RAB4A: variants seen among roughly 807,000 people sequenced by gnomAD.
RAB4A encodes the protein RAB4A, member RAS oncogene family.
In RAB4A, 20 loss-of-function variants were observed where a neutral mutation model predicts 34.5. The observed-to-expected ratio is 0.58, with a 90% CI of 0.41 to 0.84. The LOEUF (loss-of-function observed/expected upper bound fraction) is 0.84. Ranked by LOEUF, RAB4A falls within the 40% of genes least tolerant of loss-of-function variation. RAB4A has a pLI of 0.00. For missense variants in RAB4A, 228 were observed against 274.5 expected (o/e 0.83, Z 1.20); for synonymous variants, 102 against 100.0 (o/e 1.02, Z -0.12).
intron 6 of RAB4A, among the ~76,000 whole-genome samples, chr1:229,302,278 TATATATATATATATA>T (rs1657410363): frequency 1.7e-4 from 4 of 22,866 alleles, no homozygotes; most frequent in South Asian, 1.3e-3. Flanking sequence ...TATATATATA[TATATATATATATATA>T]TATATATATA....
At chr1:229,283,870 G>A (rs1484098752) in intron 1 of RAB4A, among the ~76,000 whole-genome samples, 1 of 151,026 alleles carries the variant, frequency 6.6e-6, no homozygotes, top group East Asian at 1.9e-4. Flanking sequence ...GGGATTACAG[G>A]TGCTCACTAC....
At chr1:229,273,505 C>T (rs1333871450) in intron 1 of RAB4A, among the ~76,000 whole-genome samples, 5 of 152,112 alleles carry the variant, frequency 3.3e-5, no homozygotes, top group African/African-American at 4.8e-5. Flanking sequence ...TTTGGAAGGC[C>T]GAGTTGGGCG....
chr1:229,283,166 TGA>T (rs1401047640), intron 1 of RAB4A, among the ~76,000 whole-genome samples: 12 of 152,214 alleles, frequency 7.9e-5, no homozygotes, highest in Non-Finnish European at 1.8e-4. Flanking sequence ...CATTGACACA[TGA>T]GAGGAATTCA....
At position 229,302,325 on chromosome 1, in the gene RAB4A, T is replaced by A. The variant is rs1232603232; in HGVS notation, c.542-537T>A. 2.1e-3 allele frequency among the ~76,000 whole-genome samples: 202 copies of A among 95,844 alleles called. 2 individuals are homozygous for A. The highest frequency in any genetic ancestry group is 7.7e-3 in the African/African-American group (197 of 25,590). 62.9% of individuals were successfully genotyped at this position (95,844 alleles called of 152,430 possible). On this transcript the variant is annotated intron_variant, in intron 6 of 7. Transcript: ENST00000366690. The stretch of plus-strand genomic sequence containing the variant: ...TATATATATATTTTTTTTTTTTTTT[T>A]ACATGTGCATGAGTCTGTGTGTCAG...
At chr1:229,276,772 A>G (rs1656661237) in intron 1 of RAB4A, among the ~76,000 whole-genome samples, 1 of 151,194 alleles carries the variant, frequency 6.6e-6, no homozygotes, top group Non-Finnish European at 1.5e-5. Context: ...GCCAGTTTAC[A>G]TGATTAAAAG....
At chr1:229,276,331 C>G (rs541898013) in intron 1 of RAB4A, among the ~76,000 whole-genome samples, 2 of 151,372 alleles carry the variant, frequency 1.3e-5, no homozygotes, top group South Asian at 4.2e-4. Context: ...TGTAATGACT[C>G]CATGCTCGAG....
At chr1:229,279,907 C>T (rs1478075537) in intron 1 of RAB4A, among the ~76,000 whole-genome samples, 3 of 152,162 alleles carry the variant, frequency 2.0e-5, no homozygotes, top group African/African-American at 7.2e-5. Flanking sequence ...ATAATAAACA[C>T]CGAATCTAAT....
chr1:229,292,357 T>C (rs2102848582), intron 3 of RAB4A, among the ~76,000 whole-genome samples: 1 of 152,314 alleles, frequency 6.6e-6, no homozygotes, highest in Non-Finnish European at 1.5e-5. Flanking sequence ...AATTTGAAAG[T>C]AAAATTTTAA....
Position 229,305,094 on chromosome 1 carries a change from T to G in RAB4A, c.*1301T>G, listed in dbSNP as rs371958936. 9 of 1,487,308 alleles carry G rather than the reference T, an allele frequency of 6.1e-6. No homozygotes were observed. Among genetic ancestry groups the G allele is most frequent in the Non-Finnish European group, 8.0e-6 (9 of 1,121,176 alleles). The allele number at this position is 1,487,308 out of a possible 1,614,324, so 92.1% of individuals were successfully genotyped here. The stretch of plus-strand genomic sequence containing the variant: ...GATGCCTACTGCTTTTGTTGTTTAT[T>G]TTAATCAGCAGAGCACAGAGACACA... On this transcript the variant is annotated 3_prime_UTR_variant, in exon 8 of 8. Transcript: ENST00000366690.
intron 1 of RAB4A, among the ~76,000 whole-genome samples, chr1:229,283,636 A>G (rs777804170): frequency 1.3e-5 from 2 of 151,848 alleles, no homozygotes; most frequent in African/African-American, 2.4e-5. Flanking sequence ...GAACCCAGGG[A>G]ACTTCCTTCC....
chr1:229,274,813 G>GA (rs1161647349), intron 1 of RAB4A, among the ~76,000 whole-genome samples: 1 of 152,166 alleles, frequency 6.6e-6, no homozygotes, highest in Non-Finnish European at 1.5e-5. Context: ...CGAGAGTGAG[G>GA]AAAAATCTAA....
At chr1:229,273,619 G>T (rs796629422) in intron 1 of RAB4A, among the ~76,000 whole-genome samples, 15 of 152,242 alleles carry the variant, frequency 9.9e-5, no homozygotes, top group African/African-American at 3.6e-4. Context: ...TACGCTTGTA[G>T]TCCCGGCTAC....
At chr1:229,280,567 C>T (rs185662768) in intron 1 of RAB4A, among the ~76,000 whole-genome samples, 32 of 151,702 alleles carry the variant, frequency 2.1e-4, no homozygotes, top group Admixed American at 1.0e-3. Flanking sequence ...TTTTTTTTTC[C>T]GTTAAGCTTT....
At chr1:229,297,417 T>C in intron 4 of RAB4A, 65 bp from the exon 5 acceptor site, 1 of 1,481,878 alleles carries the variant, frequency 6.7e-7, no homozygotes, top group Non-Finnish European at 9.1e-7. Flanking sequence ...GTAGTGAGAA[T>C]GACTGGAAAG....
chr1:229,295,764 A>G (rs1017089715), intron 3 of RAB4A, 84 bp from the exon 4 acceptor site: 2 of 1,314,610 alleles, frequency 1.5e-6, no homozygotes, highest in Non-Finnish European at 2.2e-6. Flanking sequence ...TTTACAAAGC[A>G]AGCATGGGTG....
Position 229,305,085 on chromosome 1 carries a change from G to A in RAB4A, c.*1292G>A, listed in dbSNP as rs139152641. 354 of 1,475,062 alleles carry A rather than the reference G, an allele frequency of 2.4e-4. 5 individuals carry two copies. The East Asian group carries it at 5.5e-3, about 23-fold the overall frequency. The allele number at this position is 1,475,062 out of a possible 1,614,324, so 91.4% of individuals were successfully genotyped here. ...TAGTTAGAAGATGCCTACTGCTTTTGTTGTTTATTTTAATCAGCAGAGCAC... is the reference window on the plus strand; with the variant it reads ...TAGTTAGAAGATGCCTACTGCTTTTATTGTTTATTTTAATCAGCAGAGCAC... On this transcript the variant is annotated 3_prime_UTR_variant, in exon 8 of 8. Transcript: ENST00000366690.
intron 2 of RAB4A, among the ~76,000 whole-genome samples, chr1:229,288,393 C>T (rs572211697): frequency 6.2e-4 from 94 of 152,324 alleles, no homozygotes; most frequent in African/African-American, 2.1e-3. Context: ...CAGAATGGTA[C>T]GCTGGTATGT....
chr1:229,305,262 C>G lies in RAB4A; in HGVS notation c.*1469C>G. 6.2e-7 allele frequency: 1 copy of G among 1,601,034 alleles called. No individual in the cohort carries two copies. On this transcript the variant is annotated 3_prime_UTR_variant, in exon 8 of 8. Transcript: ENST00000366690. ...TCTCAGACTGAACTACTTCTTAGAC[C>G]TCACTGTAAGAATATTTTATTCAAT...
At position 229,271,179 on chromosome 1, in the gene RAB4A, G is replaced by C. The variant is rs1656451985; in HGVS notation, c.-161G>C. 12 of 642,476 alleles carry C rather than the reference G, an allele frequency of 1.9e-5. 1 individual carries two copies. In the Admixed American group the frequency reaches 5.5e-4, roughly 30 times the overall value. 39.8% of individuals were successfully genotyped at this position (642,476 alleles called of 1,614,324 possible). A position where few individuals can be genotyped will look rare whatever the true frequency, so the allele number is the denominator to read the frequency against. ...CTGCGCCTGCGCGGAGCTGGAGTCCGGCTGGGCCGCAGCCGCTGGGAGACC... is the reference window on the plus strand; with the variant it reads ...CTGCGCCTGCGCGGAGCTGGAGTCCCGCTGGGCCGCAGCCGCTGGGAGACC... On this transcript the variant is annotated 5_prime_UTR_variant, in exon 1 of 8. Coordinates refer to ENST00000366690, the MANE Select transcript of RAB4A (RefSeq NM_004578.4).
Sources: allele counts gnomAD v4.1 joint callset (sites outside exome capture counted in the v4.1 genomes callset), GRCh38; gene constraint gnomAD v4.1.1; transcripts MANE v1.5; gene names NCBI Gene and HGNC (gene_info 2026-07-23, HGNC 2026-07-21).